Variants in KLF13 observed in about 807,000 individuals in gnomAD.
KLF13 encodes the protein KLF transcription factor 13.
Under a neutral mutation model 16.7 loss-of-function variants are expected in KLF13, and 8 were observed. That is an observed-to-expected ratio of 0.48 (90% CI 0.28 to 0.87). The LOEUF (loss-of-function observed/expected upper bound fraction) is 0.87, where lower values mean the gene tolerates loss of function less well. Among genes scored for constraint, KLF13 ranks in the 40% least tolerant of loss-of-function variants. KLF13 has a pLI of 0.10. For missense variants in KLF13, 447 were observed against 452.2 expected (o/e 0.99, Z 0.10); for synonymous variants, 245 against 208.4 (o/e 1.18, Z -1.51).
intron 1 of KLF13, among the ~76,000 whole-genome samples, chr15:31,360,261 C>T (rs74010621): frequency 0.032 from 4,950 of 152,308 alleles, 281 homozygotes; most frequent in African/African-American, 0.11. Flanking sequence ...GGTGTGGGCA[C>T]GGACATGCAG....
At chr15:31,387,213 G>T (rs2039805019) in intron 1 of KLF13, among the ~76,000 whole-genome samples, 1 of 152,188 alleles carries the variant, frequency 6.6e-6, no homozygotes, top group African/African-American at 2.4e-5. Context: ...CTACAGAGAA[G>T]TCCATCACTA....
chr15:31,365,149 T>A (rs1240852271), intron 1 of KLF13, among the ~76,000 whole-genome samples: 1 of 152,114 alleles, frequency 6.6e-6, no homozygotes, highest in African/African-American at 2.4e-5. Flanking sequence ...GCCCACTCAC[T>A]GGTGGGGAAT....
downstream of KLF13, among the ~76,000 whole-genome samples, chr15:31,378,437 G>A (rs1363404401): frequency 2.6e-5 from 4 of 152,318 alleles, no homozygotes; most frequent in East Asian, 3.9e-4. Context: ...GAGTAGGAAG[G>A]CAGGTGTTGA....
chr15:31,423,122 C>CAT lies in KLF13; in HGVS notation n.118-12248_118-12247insAT, dbSNP rs2040353999. Among the ~76,000 whole-genome samples, 3 of 123,256 alleles carry CAT rather than the reference C, an allele frequency of 2.4e-5. 1 individual carries two copies. Among genetic ancestry groups the CAT allele is most frequent in the Non-Finnish European group, 4.8e-5 (3 of 62,658 alleles). 80.9% of individuals were successfully genotyped at this position (123,256 alleles called of 152,430 possible). A position where few individuals can be genotyped will look rare whatever the true frequency, so the allele number is the denominator to read the frequency against. On this transcript the variant is annotated intron_variant and non_coding_transcript_variant, in intron 1 of 1. Coordinates refer to the KLF13 transcript ENST00000558225. Reference sequence around the variant, plus strand: ...ATACGTATACGTATACGTATATATACGTATATATACGTATACGTATACGTA... The same window carrying CAT: ...ATACGTATACGTATACGTATATATACATGTATATATACGTATACGTATACGTA...
chr15:31,361,842 C>T (rs2039394269), intron 1 of KLF13, among the ~76,000 whole-genome samples: 1 of 139,606 alleles, frequency 7.2e-6, no homozygotes, highest in Non-Finnish European at 1.6e-5. Flanking sequence ...ACGTCACAGC[C>T]AGAGGCAGGC....
chr15:31,404,681 T>G (rs1432195001), exon 3 of KLF13: 2 of 152,236 alleles, frequency 1.3e-5, no homozygotes, highest in Non-Finnish European at 2.9e-5. Flanking sequence ...CCATCCCTGT[T>G]GTGGTGTATT....
intron 1 of KLF13, among the ~76,000 whole-genome samples, chr15:31,358,963 G>A (rs910990515): frequency 6.6e-6 from 1 of 152,222 alleles, no homozygotes; most frequent in African/African-American, 2.4e-5. Context: ...TCACCCTACC[G>A]TGCTCAGGGA....
intron 1 of KLF13, among the ~76,000 whole-genome samples, chr15:31,415,312 A>G (rs2040242134): frequency 6.6e-6 from 1 of 152,224 alleles, no homozygotes. Flanking sequence ...CTAAGACAGA[A>G]CATTCCACTG....
exon 3 of KLF13, chr15:31,403,513 T>C (rs917831061): frequency 6.6e-6 from 1 of 152,220 alleles, no homozygotes; most frequent in African/African-American, 2.4e-5. Context: ...AAGTAACTTG[T>C]AAATGAGTGG....
rs544397190 is a variant in KLF13 at position 31,423,354 on chromosome 15, G to A, written n.118-12016G>A. Among the ~76,000 whole-genome samples, 17 of 151,376 alleles carry A rather than the reference G, an allele frequency of 1.1e-4. No individual in the cohort carries two copies. The South Asian group carries it at 2.7e-3, about 24-fold the overall frequency. On this transcript the variant is annotated intron_variant and non_coding_transcript_variant, in intron 1 of 1. Coordinates refer to the KLF13 transcript ENST00000558225. ...AATAAAGAAACAGATAACTTGGGCC[G>A]GGTGCTGTGGCTCACGTCTGTAATC...
downstream of KLF13, among the ~76,000 whole-genome samples, chr15:31,379,581 G>A (rs559297644): frequency 1.3e-5 from 2 of 152,366 alleles, no homozygotes; most frequent in South Asian, 2.1e-4. Flanking sequence ...GGCCTTCAGA[G>A]GCCCCCGGTA....
At position 31,374,228 on chromosome 15, in the gene KLF13, G is replaced by C. The variant is rs1319210632; in HGVS notation, c.*1929G>C. 6.6e-6 allele frequency: 1 copy of C among 152,646 alleles called. No homozygotes were observed. Among genetic ancestry groups the C allele is most frequent in the East Asian group, 1.9e-4 (1 of 5,204 alleles). 9.5% of individuals were successfully genotyped at this position (152,646 alleles called of 1,614,324 possible). A position where few individuals can be genotyped will look rare whatever the true frequency, so the allele number is the denominator to read the frequency against. ...CGCTTCTTACCACTGTGTGTCAGCTGGGATTGGCCGACAGCGTGGTGGTGA... is the reference window on the plus strand; with the variant it reads ...CGCTTCTTACCACTGTGTGTCAGCTCGGATTGGCCGACAGCGTGGTGGTGA... On this transcript the variant is annotated 3_prime_UTR_variant, in exon 2 of 2. Coordinates refer to ENST00000307145, the MANE Select transcript of KLF13 (RefSeq NM_015995.4).
intron 1 of KLF13, among the ~76,000 whole-genome samples, chr15:31,431,009 G>A (rs763305616): frequency 1.3e-5 from 2 of 152,108 alleles, no homozygotes; most frequent in Non-Finnish European, 2.9e-5. Context: ...CAATTCATAC[G>A]TTGAAATTCT....
chr15:31,414,512 A>G (rs2040233393), intron 1 of KLF13, among the ~76,000 whole-genome samples: 1 of 152,198 alleles, frequency 6.6e-6, no homozygotes, highest in African/African-American at 2.4e-5. Flanking sequence ...AAATAGATTG[A>G]CAGTAAAAAG....
intron 1 of KLF13, among the ~76,000 whole-genome samples, chr15:31,429,412 G>A (rs999703481): frequency 3.9e-5 from 6 of 152,168 alleles, no homozygotes; most frequent in African/African-American, 1.4e-4. Context: ...AAGCAGAATA[G>A]CAGATGCCAG....
chr15:31,368,336 G>A (rs2039508025), intron 1 of KLF13, among the ~76,000 whole-genome samples: 1 of 152,098 alleles, frequency 6.6e-6, no homozygotes, highest in South Asian at 2.1e-4. Flanking sequence ...ACTTTCCCAA[G>A]CTTTTAATGA....
In KLF13 at chr15:31,372,497, C is replaced by T. The variant is rs1035164748; in HGVS notation, c.*198C>T. Reference sequence around the variant, plus strand: ...AAAAAACACCACCCACCAAATTGCACAATAGATACACCCACAAAGTTGAGA... The same window carrying T: ...AAAAAACACCACCCACCAAATTGCATAATAGATACACCCACAAAGTTGAGA... On this transcript the variant is annotated 3_prime_UTR_variant, in exon 2 of 2. Coordinates refer to ENST00000307145, the MANE Select transcript of KLF13 (RefSeq NM_015995.4). 72 of 591,144 alleles carry T rather than the reference C, an allele frequency of 1.2e-4. No individual in the cohort carries two copies. The highest frequency in any genetic ancestry group is 1.8e-4 in the Non-Finnish European group (63 of 354,626). The allele number at this position is 591,144 out of a possible 1,614,324, so 36.6% of individuals were successfully genotyped here. A position where few individuals can be genotyped will look rare whatever the true frequency, so the allele number is the denominator to read the frequency against.
intron 1 of KLF13, among the ~76,000 whole-genome samples, chr15:31,350,867 G>A (rs962628547): frequency 2.0e-5 from 3 of 152,250 alleles, no homozygotes; most frequent in South Asian, 2.1e-4. Context: ...TCGCCCAGGC[G>A]CCTTCTGGGC....
chr15:31,343,671 A>T (rs1180466413), intron 1 of KLF13, among the ~76,000 whole-genome samples: 1 of 152,162 alleles, frequency 6.6e-6, no homozygotes, highest in South Asian at 2.1e-4. Flanking sequence ...GACCTGGAAA[A>T]GTTTTCTACT....
Sources: allele counts gnomAD v4.1 joint callset (sites outside exome capture counted in the v4.1 genomes callset), GRCh38; gene constraint gnomAD v4.1.1; transcripts MANE v1.5; gene names NCBI Gene and HGNC (gene_info 2026-07-23, HGNC 2026-07-21).